The following PLAC1 variants were observed in gnomAD, a reference collection of about 807,000 sequenced individuals.
The protein encoded by PLAC1 is placenta-specific protein 1.
For synonymous variants in PLAC1, 68 were observed against 62.1 expected (o/e 1.09, Z -0.44); for missense variants, 136 against 163.2 (o/e 0.83, Z 0.91).
intron 2 of PLAC1, among the ~76,000 whole-genome samples, chrX:134,683,776 C>T (rs773845763): frequency 8.9e-5 from 10 of 112,014 alleles, no homozygotes; most frequent in South Asian, 7.5e-4. Flanking sequence ...TGTCTGCTTC[C>T]GGAGCTGCCA....
intron 1 of PLAC1, among the ~76,000 whole-genome samples, chrX:134,739,359 T>G (rs1009253537): frequency 6.2e-5 from 7 of 112,450 alleles, no homozygotes; most frequent in African/African-American, 2.3e-4. Flanking sequence ...AACTTTTTTT[T>G]GAAACAGACA....
intron 2 of PLAC1, among the ~76,000 whole-genome samples, chrX:134,727,745 G>C (rs1340932348): frequency 2.7e-5 from 3 of 111,809 alleles, no homozygotes; most frequent in Non-Finnish European, 5.6e-5. Context: ...AAAATGTATG[G>C]GATCTGCAAA....
intron 1 of PLAC1, among the ~76,000 whole-genome samples, chrX:134,632,322 G>A (rs751089060): frequency 8.9e-6 from 1 of 112,040 alleles, no homozygotes; most frequent in Non-Finnish European, 1.9e-5. Flanking sequence ...TCCTATTGGG[G>A]TCTGTAGGAC....
chrX:134,576,835 T>A (rs1391500165), intron 2 of PLAC1, among the ~76,000 whole-genome samples: 2 of 111,273 alleles, frequency 1.8e-5, no homozygotes, highest in Non-Finnish European at 3.8e-5. Flanking sequence ...TGTCAGCAAA[T>A]ACCAGAACTA....
chrX:134,624,279 T>C (rs1602850083), intron 1 of PLAC1, among the ~76,000 whole-genome samples: 1 of 112,113 alleles, frequency 8.9e-6, no homozygotes, highest in Non-Finnish European at 1.9e-5. Flanking sequence ...TCAAATGCAC[T>C]GAGATAACAC....
intron 1 of PLAC1, among the ~76,000 whole-genome samples, chrX:134,652,935 C>T (rs1303884916): frequency 8.9e-6 from 1 of 112,286 alleles, no homozygotes; most frequent in African/African-American, 3.2e-5. Context: ...CTCTCTGCTA[C>T]TGTGGTCCAT....
intron 2 of PLAC1, among the ~76,000 whole-genome samples, chrX:134,732,753 G>T (rs2078692445): frequency 8.9e-6 from 1 of 112,249 alleles, no homozygotes; most frequent in African/African-American, 3.2e-5. Flanking sequence ...TTCCTTATCT[G>T]CAAGGAATAT....
At chrX:134,588,898 GTT>G (rs1334952387) in intron 2 of PLAC1, among the ~76,000 whole-genome samples, 1 of 111,733 alleles carries the variant, frequency 8.9e-6, no homozygotes, top group Non-Finnish European at 1.9e-5. Context: ...AAAGGACCCT[GTT>G]TCCCTGAAGG....
intron 1 of PLAC1, among the ~76,000 whole-genome samples, chrX:134,738,087 A>C (rs1239345352): frequency 8.9e-6 from 1 of 111,926 alleles, no homozygotes; most frequent in Non-Finnish European, 1.9e-5. Context: ...TCTTGGCCAC[A>C]TCTTTGAGGG....
At chrX:134,671,546 C>T (rs1330939134) in intron 2 of PLAC1, among the ~76,000 whole-genome samples, 4 of 109,001 alleles carry the variant, frequency 3.7e-5, no homozygotes, top group South Asian at 8.1e-4. Context: ...ACAGTCATGG[C>T]GGAAGGTGAA....
intron 2 of PLAC1, among the ~76,000 whole-genome samples, chrX:134,594,769 G>T (rs1174409163): frequency 9.1e-6 from 1 of 109,946 alleles, no homozygotes; most frequent in Non-Finnish European, 1.9e-5. Context: ...GATCAGTCTT[G>T]CTAGAGGTCT....
chrX:134,594,448 G>A (rs1160172916), intron 2 of PLAC1, among the ~76,000 whole-genome samples: 1 of 111,507 alleles, frequency 9.0e-6, no homozygotes, highest in African/African-American at 3.3e-5. Flanking sequence ...CTATTTTCTG[G>A]AAGACATTAT....
intron 2 of PLAC1, among the ~76,000 whole-genome samples, chrX:134,715,154 AG>A (rs1460179562): frequency 8.9e-6 from 1 of 111,797 alleles, no homozygotes. Context: ...ATTTGACAGA[AG>A]GTTATACTGA....
chrX:134,754,287 T>C (rs1423401421), intron 1 of PLAC1, among the ~76,000 whole-genome samples: 1 of 112,174 alleles, frequency 8.9e-6, no homozygotes, highest in African/African-American at 3.2e-5. Flanking sequence ...ACTGCTGCTA[T>C]GCAGCACACT....
chrX:134,655,057 T>C (rs1191948730), intron 1 of PLAC1, among the ~76,000 whole-genome samples: 1 of 111,986 alleles, frequency 8.9e-6, no homozygotes, highest in Non-Finnish European at 1.9e-5. Context: ...AAAATGCAGA[T>C]AACATTTCAA....
chrX:134,585,261 G>A (rs1041124341), intron 2 of PLAC1, among the ~76,000 whole-genome samples: 1 of 107,312 alleles, frequency 9.3e-6, no homozygotes. Flanking sequence ...CAGGAGAATC[G>A]CTTGAACCCC....
At position 134,741,777 on chromosome X, in the gene PLAC1, A is replaced by G. The variant is rs1483940506; in HGVS notation, n.90-8258T>C. 4.5e-5 allele frequency among the ~76,000 whole-genome samples: 5 copies of G among 110,609 alleles called. No individual in the cohort carries two copies. In the East Asian group the frequency reaches 8.5e-4, roughly 19 times the overall value. ...CCAGTGGAGGTTTCAGATTTTTCCA[A>G]AAGAATGAGATGCCTCCAAACCGAG... On this transcript the variant is annotated intron_variant and non_coding_transcript_variant, in intron 1 of 2. Transcript: ENST00000466797.
intron 2 of PLAC1, among the ~76,000 whole-genome samples, chrX:134,698,152 T>A (rs1310541582): frequency 9.0e-6 from 1 of 111,657 alleles, no homozygotes; most frequent in Non-Finnish European, 1.9e-5. Context: ...CAATTTTTAC[T>A]ATTATAAAAA....
chrX:134,652,710 C>T (rs890244064), intron 1 of PLAC1, among the ~76,000 whole-genome samples: 7 of 108,923 alleles, frequency 6.4e-5, no homozygotes, highest in African/African-American at 6.7e-5. Flanking sequence ...TAACATCTAC[C>T]TCACAGTGCT....
Sources: allele counts gnomAD v4.1 joint callset (sites outside exome capture counted in the v4.1 genomes callset), GRCh38; gene constraint gnomAD v4.1.1; transcripts MANE v1.5; gene names NCBI Gene and HGNC (gene_info 2026-07-23, HGNC 2026-07-21).